Variants in PTPRZ1 observed in about 807,000 individuals in gnomAD.
PTPRZ1 encodes receptor-type tyrosine-protein phosphatase zeta.
In PTPRZ1, 82 loss-of-function variants were observed where a neutral mutation model predicts 214.1. The observed-to-expected ratio is 0.38, with a 90% CI of 0.32 to 0.46. The LOEUF is 0.46. Among genes scored for constraint, PTPRZ1 ranks in the 20% least tolerant of loss-of-function variants. The probability of loss-of-function intolerance (pLI) is 1.00; values close to 1 mark genes in which losing one functional copy is unlikely to be tolerated. For missense variants in PTPRZ1, 2,603 were observed against 2,748.7 expected (o/e 0.95, Z 1.19); for synonymous variants, 945 against 987.9 (o/e 0.96, Z 0.81).
rs569044939 is a variant in PTPRZ1 at position 121,996,829 on chromosome 7, C to G, written c.1113+263C>G. On this transcript the variant is annotated intron_variant, in intron 9 of 29. Coordinates refer to ENST00000393386, the MANE Select transcript of PTPRZ1 (RefSeq NM_002851.3). ...AGAGTAGATACATATGACTTATGAA[C>G]TGGAGATCATTTAGTGTGGCCTTTC... Among the ~76,000 whole-genome samples the G allele has an allele frequency of 2.6e-5, 4 of 152,230 alleles. No homozygotes were observed. The East Asian group carries it at 7.7e-4, about 29-fold the overall frequency.
At chr7:121,977,928 G>A (rs1797492337) in intron 6 of PTPRZ1, among the ~76,000 whole-genome samples, 2 of 152,112 alleles carry the variant, frequency 1.3e-5, no homozygotes, top group South Asian at 4.1e-4. Context: ...TCCAGACCTT[G>A]CACCAGCCTG....
chr7:121,911,360 G>C (rs540056418), intron 1 of PTPRZ1, among the ~76,000 whole-genome samples: 4 of 152,018 alleles, frequency 2.6e-5, no homozygotes, highest in African/African-American at 9.7e-5. Context: ...CATTTTGACT[G>C]TATATTTGAA....
rs1793950166 is a variant in PTPRZ1 at position 121,873,532 on chromosome 7, T to A, written c.33T>A (p.Ile11=). 6.2e-7 allele frequency: 1 copy of A among 1,613,826 alleles called. No homozygotes were observed. The highest frequency in any genetic ancestry group is 1.3e-5 in the African/African-American group (1 of 74,914). The part of the protein sequence containing the change: MRILKRFLAC[I]QLLCVCRLDW... The stretch of plus-strand genomic sequence containing the variant: ...TCCTAAAGCGTTTCCTCGCTTGCAT[T>A]CAGCTCCTCTGTGTTTGCCGCCTGG... Residue 11 remains isoleucine (I), a synonymous_variant, in exon 1 of 30, where the codon ATT becomes ATA. Coordinates refer to ENST00000393386, the MANE Select transcript of PTPRZ1 (RefSeq NM_002851.3).
At chr7:121,873,884 A>G (rs1279887954) in intron 1 of PTPRZ1, among the ~76,000 whole-genome samples, 1 of 152,220 alleles carries the variant, frequency 6.6e-6, no homozygotes, top group Non-Finnish European at 1.5e-5. Flanking sequence ...TGCAAAGTGT[A>G]GAAATCGCCT....
chr7:121,985,009 C>T (rs1797723520), intron 8 of PTPRZ1, among the ~76,000 whole-genome samples: 1 of 151,448 alleles, frequency 6.6e-6, no homozygotes. Flanking sequence ...TTTTTTTTGC[C>T]ATGTATAATA....
At chr7:121,899,404 CAT>C (rs1794894741) in intron 1 of PTPRZ1, among the ~76,000 whole-genome samples, 1 of 152,104 alleles carries the variant, frequency 6.6e-6, no homozygotes, top group Admixed American at 6.6e-5. Flanking sequence ...TTATATGTAA[CAT>C]AAAATATATG....
chr7:121,927,630 A>G (rs1365701595), intron 1 of PTPRZ1, among the ~76,000 whole-genome samples: 1 of 152,260 alleles, frequency 6.6e-6, no homozygotes, highest in Non-Finnish European at 1.5e-5. Context: ...CTCCGAAACA[A>G]CATATGAACA....
chr7:121,990,683 C>T (rs1797931263), intron 8 of PTPRZ1, among the ~76,000 whole-genome samples: 1 of 151,884 alleles, frequency 6.6e-6, no homozygotes, highest in Admixed American at 6.6e-5. Flanking sequence ...CCACGCCCGA[C>T]TAATTTTTGT....
chr7:121,952,285 T>G (rs13225080), intron 2 of PTPRZ1, among the ~76,000 whole-genome samples: 17 of 151,600 alleles, frequency 1.1e-4, no homozygotes, highest in African/African-American at 2.7e-4. Flanking sequence ...TTGTTTTTGG[T>G]TTTTTTTAGC....
chr7:121,977,113 C>G (rs1328916634), intron 6 of PTPRZ1, among the ~76,000 whole-genome samples: 1 of 152,056 alleles, frequency 6.6e-6, no homozygotes, highest in Non-Finnish European at 1.5e-5. Flanking sequence ...TGAAAATAAT[C>G]TAATTATATC....
At chr7:121,944,464 G>A (rs905816961) in intron 2 of PTPRZ1, among the ~76,000 whole-genome samples, 1 of 151,738 alleles carries the variant, frequency 6.6e-6, no homozygotes, top group African/African-American at 2.4e-5. Context: ...TAATTTATGG[G>A]TATATCCAAA....
At chr7:121,971,979 A>G (rs1257999063) in intron 3 of PTPRZ1, among the ~76,000 whole-genome samples, 1 of 152,090 alleles carries the variant, frequency 6.6e-6, no homozygotes, top group Admixed American at 6.6e-5. Context: ...GGGTTCAAAC[A>G]TGAGATGGCC....
rs1797697518 is a variant in PTPRZ1 at position 121,984,048 on chromosome 7, G to A, written c.859G>A (p.Glu287Lys). The A allele has an allele frequency of 6.2e-7, 1 of 1,613,558 alleles. No homozygotes were observed. Among genetic ancestry groups the A allele is most frequent in the African/African-American group, 1.3e-5 (1 of 74,994 alleles). Residue 287 changes from glutamate (E) to lysine (K), a missense_variant, in exon 8 of 30, where the codon GAG becomes AAG. Physicochemically the swap from Glu to Lys is moderately conservative, Grantham distance 56. Transcript: ENST00000393386. ...LMDYLQNNFR[E>K]QQYKFSRQVF... ...GGACTACTTACAAAACAATTTTCGA[G>A]AGCAACAGTACAAGTTCTCTAGACA...
chr7:121,896,379 C>G (rs888362960), intron 1 of PTPRZ1, among the ~76,000 whole-genome samples: 2 of 152,128 alleles, frequency 1.3e-5, no homozygotes, highest in Non-Finnish European at 2.9e-5. Context: ...TTTTCTGTGT[C>G]TAAGAGTTTG....
intron 17 of PTPRZ1, 63 bp downstream of exon 17, chr7:122,034,441 G>C: frequency 6.9e-7 from 1 of 1,450,044 alleles, no homozygotes. Flanking sequence ...CCTTTTAAAA[G>C]TGTCCTGAAG....
At chr7:122,059,593 T>C in intron 28 of PTPRZ1, 160 bp from the exon 29 acceptor site, 1 of 771,522 alleles carries the variant, frequency 1.3e-6, no homozygotes, top group Admixed American at 2.8e-5. Context: ...TATTTCAGAT[T>C]AAATCATAGT....
chr7:121,995,177 A>G (rs974949792), intron 8 of PTPRZ1, among the ~76,000 whole-genome samples: 7 of 152,188 alleles, frequency 4.6e-5, no homozygotes, highest in Admixed American at 4.6e-4. Flanking sequence ...GGTGAACTGC[A>G]AACTAGCAGA....
At chr7:121,935,098 G>GC (rs1294251459) in intron 2 of PTPRZ1, among the ~76,000 whole-genome samples, 1 of 152,114 alleles carries the variant, frequency 6.6e-6, no homozygotes, top group Non-Finnish European at 1.5e-5. Flanking sequence ...ATGTGTGTTT[G>GC]TTGATCAAAA....
chr7:122,047,199 A>G (rs1307133848), intron 23 of PTPRZ1, among the ~76,000 whole-genome samples: 1 of 152,240 alleles, frequency 6.6e-6, no homozygotes, highest in Non-Finnish European at 1.5e-5. Flanking sequence ...TTTGAAAAGT[A>G]TAGCATTGAC....
Sources: gnomAD v4.1 joint callset for allele counts (sites outside exome capture counted in the v4.1 genomes callset) on GRCh38, gnomAD v4.1.1 for gene constraint, MANE v1.5 for transcripts, NCBI Gene and HGNC (gene_info 2026-07-23, HGNC 2026-07-21) for gene names.